Variants in PER2 observed in about 807,000 individuals in gnomAD.
PER2 encodes the protein period circadian regulator 2.
Under a neutral mutation model 121.0 loss-of-function variants are expected in PER2, and 66 were observed. That is an observed-to-expected ratio of 0.55 (90% CI 0.45 to 0.67). The LOEUF (loss-of-function observed/expected upper bound fraction) is 0.67. Among genes scored for constraint, PER2 ranks in the 30% least tolerant of loss-of-function variants. The pLI is 0.00. For missense variants in PER2, 1,521 were observed against 1,635.0 expected (o/e 0.93, Z 1.20); for synonymous variants, 684 against 659.9 (o/e 1.04, Z -0.56).
At position 238,277,125 on chromosome 2, in the gene PER2, C is replaced by A; in HGVS notation, c.293+6G>T. The A allele has an allele frequency of 1.3e-6, 2 of 1,597,756 alleles. No homozygotes were observed. The highest frequency in any genetic ancestry group is 1.7e-6 in the Non-Finnish European group (2 of 1,165,064). On this transcript the variant is annotated splice_donor_region_variant and intron_variant, in intron 3 of 22. Coordinates refer to ENST00000254657, the MANE Select transcript of PER2 (RefSeq NM_022817.3). ...CCTCTATGTATGAAGTTCTAATTGG[C>A]CTTACCTGCAGCCACTTGTAGATGG...
rs121908635 is a variant in PER2, at chr2:238,257,003, T to C, written c.1984A>G (p.Ser662Gly). The change falls in exon 17 of 23, where the codon AGT (serine) becomes GGT (glycine). Residue 662 changes from serine to glycine, a missense_variant. Physicochemically the swap from Ser to Gly is moderately conservative, Grantham distance 56. Transcript: ENST00000254657. ...CACTGGCTGGTGAGCGACGCCACAC[T>C]CTCTGCCTTGCCCGGCAGTGCCAGC... ...TSLALPGKAE[S>G]VASLTSQCSY... 1 of 1,613,734 alleles carries C rather than the reference T, an allele frequency of 6.2e-7. No individual in the cohort carries two copies. The highest frequency in any genetic ancestry group is 8.5e-7 in the Non-Finnish European group (1 of 1,179,938).
intron 13 of PER2, among the ~76,000 whole-genome samples, chr2:238,260,405 C>T (rs762894578): frequency 3.3e-5 from 5 of 151,908 alleles, no homozygotes; most frequent in East Asian, 1.9e-4. Context: ...TACAGGGGCG[C>T]GCCACCATGC....
At chr2:238,279,940 G>T (rs1696580821) in intron 1 of PER2, among the ~76,000 whole-genome samples, 1 of 152,198 alleles carries the variant, frequency 6.6e-6, no homozygotes, top group African/African-American at 2.4e-5. Context: ...CCCGGCCATG[G>T]AAGGCCCAAG....
In PER2 at chr2:238,252,445, A is replaced by T. The variant is rs1350744818; in HGVS notation, c.3111+467T>A. Among the ~76,000 whole-genome samples the T allele has an allele frequency of 6.6e-6, 1 of 152,230 alleles. No homozygotes were observed. The highest frequency in any genetic ancestry group is 1.5e-5 in the Non-Finnish European group (1 of 68,038). On this transcript the variant is annotated intron_variant, in intron 19 of 22. Coordinates refer to ENST00000254657, the MANE Select transcript of PER2 (RefSeq NM_022817.3). The surrounding 1 kb of genome is among the most constrained non-coding windows in gnomAD (Gnocchi z 4.2). ...CATTAACTGGTTAAGAATCTCACAC[A>T]GTGTCCCTACGCCTGCGGAGGATGG...
the PER2 span, among the ~76,000 whole-genome samples, chr2:238,297,444 CAG>C: frequency 5.0e-3 from 755 of 152,276 alleles, 3 homozygotes; most frequent in African/African-American, 0.018. Flanking sequence ...AGAAGGGACT[CAG>C]AGAGTGAGTG....
intron 1 of PER2, among the ~76,000 whole-genome samples, chr2:238,280,898 C>T (rs189550626): frequency 4.3e-4 from 65 of 152,012 alleles, no homozygotes; most frequent in African/African-American, 1.5e-3. Flanking sequence ...AAAGTCCTAC[C>T]AACATCCACA....
At position 238,255,747 on chromosome 2, in the gene PER2, T is replaced by A; in HGVS notation, c.2230A>T (p.Lys744Ter). Residue 744 changes from lysine to a stop codon, truncating the protein, a stop_gained, in exon 18 of 23, where the codon AAG (lysine) becomes TAG (stop). Transcript: ENST00000254657. LOFTEE classifies it high-confidence loss of function. ...TQKEEQSFLQ[K>*]FKEIRKLSIF... The stretch of plus-strand genomic sequence containing the variant: ...CTGAGTTTTCTTATTTCTTTGAACT[T>A]CTGCAGGAAGCTCTGCTCCTCCTTC... The A allele has an allele frequency of 1.2e-6, 2 of 1,614,250 alleles. No homozygotes were observed. Among genetic ancestry groups the A allele is most frequent in the Non-Finnish European group, 1.7e-6 (2 of 1,180,038 alleles).
chr2:238,261,688 GGCT>G, intron 12 of PER2, 38 bp downstream of exon 12: 4 of 1,345,156 alleles, frequency 3.0e-6, no homozygotes, highest in Non-Finnish European at 4.2e-6. Flanking sequence ...GGGGCTCTCA[GGCT>G]GCTACCTGGG....
chr2:238,247,790 G>A (rs1344417100), intron 22 of PER2, among the ~76,000 whole-genome samples: 2 of 152,228 alleles, frequency 1.3e-5, no homozygotes, highest in African/African-American at 4.8e-5. Flanking sequence ...GGTAGAAGAT[G>A]TGGATAGGTG....
chr2:238,249,312 G>C lies in PER2; in HGVS notation c.3468-100C>G, dbSNP rs542326299. ...GTAGTTTTAGATGATTTTGTTTAAT[G>C]CAAATTTCCTTTTCTTTAAAAAAAT... On this transcript the variant is annotated intron_variant, in intron 21 of 22. Coordinates refer to ENST00000254657, the MANE Select transcript of PER2 (RefSeq NM_022817.3). The C allele has an allele frequency of 4.7e-6, 6 of 1,273,236 alleles. No homozygotes were observed. In the South Asian group the frequency reaches 7.8e-5, roughly 17 times the overall value. 78.9% of individuals were successfully genotyped at this position (1,273,236 alleles called of 1,614,324 possible).
In PER2 at chr2:238,255,822, G is replaced by A; in HGVS notation, c.2155C>T (p.Pro719Ser). The change falls in exon 18 of 23, where the codon CCC (proline) becomes TCC (serine). Residue 719 changes from proline (P) to serine (S), a missense_variant. Pro to Ser is a moderately conservative substitution (Grantham distance 74, BLOSUM62 -1). Transcript: ENST00000254657. ...TTGGTGAGGCCCAGCTTCTTGAAGGGCTCCTTCTCTTGGCTGAGACCACAG... is the reference window on the plus strand; with the variant it reads ...TTGGTGAGGCCCAGCTTCTTGAAGGACTCCTTCTCTTGGCTGAGACCACAG... The part of the protein sequence containing the change: ...LACGLSQEKE[P>S]FKKLGLTKEV... The A allele has an allele frequency of 1.9e-6, 3 of 1,614,160 alleles. No individual in the cohort carries two copies. Among genetic ancestry groups the A allele is most frequent in the Non-Finnish European group, 2.5e-6 (3 of 1,180,030 alleles).
At chr2:238,251,823 C>A in intron 19 of PER2, 62 bp from the exon 20 acceptor site, 1 of 125,532 alleles carries the variant, frequency 8.0e-6, no homozygotes, top group Non-Finnish European at 1.8e-5. Flanking sequence ...GCATATGCAG[C>A]GGGGTGGGGG....
At chr2:238,280,932 A>C (rs1017353731) in intron 1 of PER2, among the ~76,000 whole-genome samples, 8 of 152,016 alleles carry the variant, frequency 5.3e-5, no homozygotes, top group Admixed American at 2.6e-4. Context: ...TTACCCATAA[A>C]GGATGAAAAA....
In PER2 at chr2:238,246,330, C is replaced by G. The variant is rs966552705; in HGVS notation, c.*45G>C. 1.3e-6 allele frequency: 2 copies of G among 1,483,410 alleles called. No individual in the cohort carries two copies. Among genetic ancestry groups the G allele is most frequent in the African/African-American group, 2.8e-5 (2 of 71,962 alleles). The allele number at this position is 1,483,410 out of a possible 1,614,324, so 91.9% of individuals were successfully genotyped here. On this transcript the variant is annotated 3_prime_UTR_variant, in exon 23 of 23. Coordinates refer to ENST00000254657, the MANE Select transcript of PER2 (RefSeq NM_022817.3). ...AAGATCTTTCATCTCTTCCAAGCAC[C>G]ACCTGGTGTACCTCGCTGGCTGCCG... is the stretch of plus-strand genomic sequence containing the variant.
At chr2:238,256,863 T>C (rs1695777026) in intron 17 of PER2, 59 bp downstream of exon 17, 8 of 1,556,612 alleles carry the variant, frequency 5.1e-6, no homozygotes, top group Non-Finnish European at 7.1e-6. Context: ...GATGGCAAAC[T>C]TCTTGTTTTC....
intron 22 of PER2, among the ~76,000 whole-genome samples, chr2:238,246,934 G>C (rs560611199): frequency 1.3e-5 from 2 of 152,190 alleles, no homozygotes; most frequent in Non-Finnish European, 2.9e-5. Context: ...TCAGCCAGGA[G>C]GTGGCTGGCA....
In PER2 at chr2:238,251,652, G is replaced by A. The variant is rs751988486; in HGVS notation, c.3221C>T (p.Ser1074Leu). The change falls in exon 20 of 23, where the codon TCG (serine) becomes TTG (leucine). Residue 1074 changes from serine (S) to leucine (L), a missense_variant. Ser to Leu is a moderately radical substitution (Grantham distance 145). Transcript: ENST00000254657. ...DLCSASGSAASESLGSGSLGC... is the reference protein window; with the variant it reads ...DLCSASGSAALESLGSGSLGC... ...CAGTGAGCCGGAGCCCAGAGACTCC[G>A]AAGCAGCAGAGCCCGAGGCTGAGCA... is the stretch of plus-strand genomic sequence containing the variant. The A allele has an allele frequency of 5.0e-6, 8 of 1,614,068 alleles. No homozygotes were observed. Among genetic ancestry groups the A allele is most frequent in the African/African-American group, 4.0e-5 (3 of 74,930 alleles).
At chr2:238,258,756 G>T in intron 14 of PER2, 112 bp from the exon 15 acceptor site, 1 of 1,083,518 alleles carries the variant, frequency 9.2e-7, no homozygotes, top group Non-Finnish European at 1.4e-6. Context: ...CTCAGAATCT[G>T]CTTCATGAGT....
At chr2:238,265,469 T>C (rs776853432) in intron 9 of PER2, 43 bp downstream of exon 9, 3 of 1,282,834 alleles carry the variant, frequency 2.3e-6, no homozygotes, top group East Asian at 2.3e-5. Flanking sequence ...AAATAGCTTT[T>C]ATATCAAAAA....
Sources: allele counts gnomAD v4.1 joint callset (sites outside exome capture counted in the v4.1 genomes callset), GRCh38; gene constraint gnomAD v4.1.1; non-coding constraint Gnocchi (gnomAD v3.1); transcripts MANE v1.5; gene names NCBI Gene and HGNC (gene_info 2026-07-23, HGNC 2026-07-21).